Variants in TMEFF2 observed in about 807,000 individuals in gnomAD.
TMEFF2 encodes transmembrane protein with EGF like and two follistatin like domains 2.
In TMEFF2, 28 loss-of-function variants were observed where a neutral mutation model predicts 53.8. That is an observed-to-expected ratio of 0.52 (90% CI 0.39 to 0.71). TMEFF2 has a LOEUF of 0.71. Ranked by LOEUF, TMEFF2 falls within the 30% of genes least tolerant of loss-of-function variation. The pLI, the probability that TMEFF2 is intolerant of heterozygous loss-of-function variation, is 0.00. For synonymous variants in TMEFF2, 162 were observed against 166.3 expected, an observed-to-expected ratio of 0.97 and a Z score of 0.20; for missense variants, 353 against 455.2, an observed-to-expected ratio of 0.78 and a Z score of 2.04.
chr2:192,069,317 A>G (rs1231612766), intron 4 of TMEFF2, among the ~76,000 whole-genome samples: 3 of 151,522 alleles, frequency 2.0e-5, no homozygotes, highest in Non-Finnish European at 4.4e-5. Flanking sequence ...CTAGCAGCCA[A>G]TTAAGGAGGT....
intron 2 of TMEFF2, among the ~76,000 whole-genome samples, chr2:192,186,686 C>CG (rs1691323195): frequency 6.6e-6 from 1 of 152,076 alleles, no homozygotes; most frequent in South Asian, 2.1e-4. Flanking sequence ...ATTCTTGCCC[C>CG]GGGCTACCTT....
At chr2:192,010,528 T>A (rs1686602714) in intron 5 of TMEFF2, among the ~76,000 whole-genome samples, 1 of 151,654 alleles carries the variant, frequency 6.6e-6, no homozygotes, top group African/African-American at 2.4e-5. Flanking sequence ...GCCACTTTTT[T>A]TTCCCCCCAC....
At chr2:192,020,809 TCTC>T (rs1442620836) in intron 5 of TMEFF2, among the ~76,000 whole-genome samples, 1 of 152,118 alleles carries the variant, frequency 6.6e-6, no homozygotes, top group Non-Finnish European at 1.5e-5. Flanking sequence ...CACCTTTGCT[TCTC>T]CTTAACAATT....
At chr2:192,150,554 C>T (rs1690359986) in intron 4 of TMEFF2, among the ~76,000 whole-genome samples, 1 of 151,800 alleles carries the variant, frequency 6.6e-6, no homozygotes, top group African/African-American at 2.4e-5. Context: ...TGCATCCAGG[C>T]CCTGCACTAC....
At position 192,182,324 on chromosome 2, in the gene TMEFF2, G is replaced by T. The variant is rs78104992; in HGVS notation, c.412+2030C>A. The stretch of plus-strand genomic sequence containing the variant: ...CCCAATTTATTTACAGTCAGACCTG[G>T]TTAATCAAAATTACTTTGTTCTCTC... On this transcript the variant is annotated intron_variant, in intron 3 of 9. Transcript: ENST00000272771. 9.8e-4 allele frequency among the ~76,000 whole-genome samples: 149 copies of T among 151,896 alleles called. 1 individual carries two copies. Among genetic ancestry groups the T allele is most frequent in the African/African-American group, 3.5e-3 (147 of 41,474 alleles).
chr2:192,157,631 C>T (rs1035341234), intron 4 of TMEFF2, among the ~76,000 whole-genome samples: 1 of 151,892 alleles, frequency 6.6e-6, no homozygotes, highest in Non-Finnish European at 1.5e-5. Context: ...TTTGACACCA[C>T]GTATGGCACT....
intron 5 of TMEFF2, among the ~76,000 whole-genome samples, chr2:192,001,819 C>T (rs574854214): frequency 6.6e-6 from 1 of 152,242 alleles, no homozygotes; most frequent in East Asian, 1.9e-4. Context: ...TCCATTAAAC[C>T]TCTTTCTTTT....
At chr2:192,024,551 C>G (rs1686925440) in intron 5 of TMEFF2, among the ~76,000 whole-genome samples, 1 of 152,076 alleles carries the variant, frequency 6.6e-6, no homozygotes, top group Admixed American at 6.6e-5. Context: ...TAGAATTCAC[C>G]TATTTTAAGT....
intron 7 of TMEFF2, among the ~76,000 whole-genome samples, chr2:191,972,722 A>G (rs189871408): frequency 6.6e-6 from 1 of 152,208 alleles, no homozygotes; most frequent in Non-Finnish European, 1.5e-5. Flanking sequence ...GGTAGGAACT[A>G]TTCCAAGATG....
intron 4 of TMEFF2, among the ~76,000 whole-genome samples, chr2:192,143,418 CA>C (rs1003967579): frequency 1.5e-4 from 23 of 152,086 alleles, no homozygotes; most frequent in Admixed American, 2.6e-4. Flanking sequence ...ATAAAAAGTG[CA>C]AAAACTAACA....
intron 4 of TMEFF2, among the ~76,000 whole-genome samples, chr2:192,108,450 C>A (rs963172928): frequency 6.6e-6 from 1 of 151,838 alleles, no homozygotes; most frequent in African/African-American, 2.4e-5. Context: ...TTTTCCAGGT[C>A]ATTGTGCTGA....
At chr2:192,190,474 C>T (rs1257804175) in intron 2 of TMEFF2, among the ~76,000 whole-genome samples, 2 of 152,120 alleles carry the variant, frequency 1.3e-5, no homozygotes, top group Non-Finnish European at 2.9e-5. Context: ...TTCTCATACT[C>T]TATCTCTCTC....
chr2:192,037,268 C>CAAAA (rs1252777459), intron 5 of TMEFF2: 1 of 22,686 alleles, frequency 4.4e-5, no homozygotes. Context: ...TAAGACTAGC[C>CAAAA]AAAATAAAGA....
chr2:192,062,978 T>TTG (rs1553518039), intron 4 of TMEFF2, among the ~76,000 whole-genome samples: 159 of 151,492 alleles, frequency 1.0e-3, no homozygotes, highest in East Asian at 3.9e-3. Context: ...GTTTTTTTTT[T>TTG]TTGTTGTTGT....
intron 5 of TMEFF2, among the ~76,000 whole-genome samples, chr2:192,045,106 A>G (rs1687583459): frequency 6.6e-6 from 1 of 152,170 alleles, no homozygotes; most frequent in Non-Finnish European, 1.5e-5. Context: ...TGATCAGTTG[A>G]TAGAGGAAAA....
intron 5 of TMEFF2, among the ~76,000 whole-genome samples, chr2:192,049,961 A>C (rs1164190059): frequency 6.6e-6 from 1 of 152,282 alleles, no homozygotes. Context: ...AGATAGCGCC[A>C]CTGCACTCCA....
At chr2:192,172,940 A>G (rs1690951002) in intron 4 of TMEFF2, among the ~76,000 whole-genome samples, 1 of 151,780 alleles carries the variant, frequency 6.6e-6, no homozygotes, top group Non-Finnish European at 1.5e-5. Context: ...TACTGCATAA[A>G]GTGCTCATTC....
chr2:192,009,007 T>C (rs1686565611), intron 5 of TMEFF2, among the ~76,000 whole-genome samples: 1 of 152,234 alleles, frequency 6.6e-6, no homozygotes, highest in Admixed American at 6.5e-5. Context: ...CTGGTAAAGT[T>C]GCTAGTTTGA....
intron 4 of TMEFF2, among the ~76,000 whole-genome samples, chr2:192,083,003 C>A (rs1361270336): frequency 7.0e-6 from 1 of 142,688 alleles, no homozygotes; most frequent in Non-Finnish European, 1.5e-5. Flanking sequence ...ATTACCTCTG[C>A]GTTCTTCTGT....
Sources: gnomAD v4.1 joint callset for allele counts (sites outside exome capture counted in the v4.1 genomes callset) on GRCh38, gnomAD v4.1.1 for gene constraint, MANE v1.5 for transcripts, NCBI Gene and HGNC (gene_info 2026-07-23, HGNC 2026-07-21) for gene names.